Variants in MPHOSPH6 observed in about 807,000 individuals in gnomAD.
MPHOSPH6 encodes the protein M-phase phosphoprotein 6.
A neutral mutation model predicts 21.8 loss-of-function variants in MPHOSPH6; 25 were observed. That is an observed-to-expected ratio of 1.15 (90% CI 0.83 to 1.60). MPHOSPH6 has a LOEUF of 1.60. Among genes scored for constraint, MPHOSPH6 ranks in the 40% most tolerant of loss-of-function variants. The pLI is 0.00. For synonymous variants in MPHOSPH6, 84 were observed against 56.5 expected, an observed-to-expected ratio of 1.49 and a Z score of -2.18; for missense variants, 269 against 181.8, an observed-to-expected ratio of 1.48 and a Z score of -2.76.
At chr16:82,169,308 T>C (rs28684824) in intron 1 of MPHOSPH6, among the ~76,000 whole-genome samples, 3,037 of 152,260 alleles carry the variant, frequency 0.02, 118 homozygotes, top group African/African-American at 0.069. Context: ...ATTTCCATGG[T>C]TTTCTTTTTC....
chr16:82,154,617 C>A (rs1047229584), intron 2 of MPHOSPH6, among the ~76,000 whole-genome samples: 16 of 149,698 alleles, frequency 1.1e-4, no homozygotes, highest in South Asian at 4.2e-4. Context: ...ATAGAGACTG[C>A]AAAAAAACAC....
At chr16:82,160,749 C>A (rs1906581626) in intron 2 of MPHOSPH6, among the ~76,000 whole-genome samples, 1 of 152,146 alleles carries the variant, frequency 6.6e-6, no homozygotes, top group African/African-American at 2.4e-5. Context: ...AAACTTGATG[C>A]TTGTGCTGCT....
At chr16:82,149,507 AG>A in intron 3 of MPHOSPH6, 104 bp from the exon 4 acceptor site, 1 of 934,830 alleles carries the variant, frequency 1.1e-6, no homozygotes, top group East Asian at 2.4e-5. Context: ...AATAATCTAG[AG>A]AACTAGTCAA....
At chr16:82,150,178 G>T (rs145952542) in intron 3 of MPHOSPH6, among the ~76,000 whole-genome samples, 2 of 151,996 alleles carry the variant, frequency 1.3e-5, no homozygotes, top group Non-Finnish European at 1.5e-5. Context: ...AGTAATTAGG[G>T]CCATTTTCTA....
intron 2 of MPHOSPH6, among the ~76,000 whole-genome samples, chr16:82,158,703 T>C (rs1374701302): frequency 6.6e-6 from 1 of 152,162 alleles, no homozygotes; most frequent in Non-Finnish European, 1.5e-5. Context: ...TAACTGACAC[T>C]ATTTACTGCC....
intron 3 of MPHOSPH6, chr16:82,150,935 C>G (rs1906245834): frequency 6.5e-6 from 1 of 152,692 alleles, no homozygotes; most frequent in Non-Finnish European, 1.5e-5. Context: ...CAGGAAAATT[C>G]AAATGAATAG....
chr16:82,169,274 C>T (rs984987298), intron 1 of MPHOSPH6, among the ~76,000 whole-genome samples: 1 of 152,236 alleles, frequency 6.6e-6, no homozygotes. Context: ...TCCAGACATA[C>T]TGAATTGTCT....
At chr16:82,159,126 G>A (rs112377215) in intron 2 of MPHOSPH6, among the ~76,000 whole-genome samples, 107 of 152,332 alleles carry the variant, frequency 7.0e-4, no homozygotes, top group African/African-American at 2.4e-3. Context: ...ACCTGTGTGA[G>A]GGGGATTTTC....
intron 2 of MPHOSPH6, among the ~76,000 whole-genome samples, chr16:82,157,107 G>T (rs529749543): frequency 6.6e-6 from 1 of 152,098 alleles, no homozygotes; most frequent in Admixed American, 6.5e-5. Context: ...ACCCAATCAT[G>T]AGTTCTTTAA....
At chr16:82,167,454 G>C (rs1367479391) in intron 1 of MPHOSPH6, 1 of 151,344 alleles carries the variant, frequency 6.6e-6, no homozygotes, top group East Asian at 2.0e-4. Flanking sequence ...AGATGGTTTA[G>C]GGATGATTCA....
chr16:82,159,691 C>T (rs947795161), intron 2 of MPHOSPH6, among the ~76,000 whole-genome samples: 1 of 152,164 alleles, frequency 6.6e-6, no homozygotes, highest in Non-Finnish European at 1.5e-5. Flanking sequence ...CAGGTGTGAG[C>T]CACCGTGCCC....
In MPHOSPH6 at chr16:82,148,498, A is replaced by G. The variant is rs1387348081; in HGVS notation, c.*233T>C. 1.1e-5 allele frequency: 5 copies of G among 436,994 alleles called. No homozygotes were observed. Among genetic ancestry groups the G allele is most frequent in the Non-Finnish European group, 1.6e-5 (4 of 257,062 alleles). 27.1% of individuals were successfully genotyped at this position (436,994 alleles called of 1,614,324 possible). ...ATCTTTAGGAAGCAGCCCTGTAACA[A>G]TGTACATTTGTAGATCAGGGGCTAA... On this transcript the variant is annotated 3_prime_UTR_variant, in exon 5 of 5. Transcript: ENST00000258169.
At chr16:82,155,219 C>G (rs1009999141) in intron 2 of MPHOSPH6, among the ~76,000 whole-genome samples, 3 of 152,194 alleles carry the variant, frequency 2.0e-5, no homozygotes, top group Non-Finnish European at 4.4e-5. Flanking sequence ...TTGACGAAAA[C>G]AGCACTTCAT....
At chr16:82,153,593 G>A (rs778578911) in intron 2 of MPHOSPH6, among the ~76,000 whole-genome samples, 2 of 152,182 alleles carry the variant, frequency 1.3e-5, no homozygotes, top group Non-Finnish European at 2.9e-5. Flanking sequence ...TGGAATATCT[G>A]GGTGAGGATA....
intron 1 of MPHOSPH6, among the ~76,000 whole-genome samples, chr16:82,168,980 G>A (rs1003792160): frequency 6.6e-6 from 1 of 152,088 alleles, no homozygotes; most frequent in African/African-American, 2.4e-5. Context: ...TGTAACTTTG[G>A]GTAAATTACT....
chr16:82,157,257 C>G (rs12447876), intron 2 of MPHOSPH6, among the ~76,000 whole-genome samples: 17,909 of 152,038 alleles, frequency 0.12, 1,295 homozygotes, highest in East Asian at 0.29. Context: ...CTATTAATGT[C>G]CATTAATAGA....
intron 2 of MPHOSPH6, chr16:82,162,422 G>A (rs1399056013): frequency 6.6e-6 from 1 of 152,328 alleles, no homozygotes; most frequent in Non-Finnish European, 1.5e-5. Context: ...TCTCTGGCCT[G>A]GGAGGCTGAC....
chr16:82,159,185 C>T (rs1045464347), intron 2 of MPHOSPH6, among the ~76,000 whole-genome samples: 2 of 152,152 alleles, frequency 1.3e-5, no homozygotes, highest in South Asian at 2.1e-4. Flanking sequence ...TGACTGCAGG[C>T]GTTCAGAGTC....
At position 82,170,082 on chromosome 16, in the gene MPHOSPH6, G is replaced by A. The variant is rs779884456; in HGVS notation, c.51+43C>T. 3 of 1,565,536 alleles carry A rather than the reference G, an allele frequency of 1.9e-6. No individual in the cohort carries two copies. In the African/African-American group the frequency reaches 4.2e-5, roughly 22 times the overall value. On this transcript the variant is annotated intron_variant, in intron 1 of 4. Transcript: ENST00000258169. ...GGCCCCGGCCAGGTTGGAAGGACCG[G>A]GTGCCCCTACCGCCCGGAGTGGCGC...
Sources: gnomAD v4.1 joint callset for allele counts (sites outside exome capture counted in the v4.1 genomes callset) on GRCh38, gnomAD v4.1.1 for gene constraint, MANE v1.5 for transcripts, NCBI Gene and HGNC (gene_info 2026-07-23, HGNC 2026-07-21) for gene names.